UNC13A: variants seen among roughly 807,000 people sequenced by gnomAD.
UNC13A encodes unc-13 homolog A, also known as protein unc-13 homolog A.
A neutral mutation model predicts 219.7 loss-of-function variants in UNC13A; 61 were observed. The observed-to-expected ratio is 0.28, with a 90% CI of 0.23 to 0.34. The LOEUF (loss-of-function observed/expected upper bound fraction) is 0.34. Ranked by LOEUF, UNC13A falls within the 10% of genes least tolerant of loss-of-function variation. UNC13A has a pLI of 1.00. For synonymous variants in UNC13A, 920 were observed against 884.6 expected, an observed-to-expected ratio of 1.04 and a Z score of -0.71; for missense variants, 1,476 against 2,270.3, an observed-to-expected ratio of 0.65 and a Z score of 7.11.
Position 17,646,563 on chromosome 19 carries a change from G to A in UNC13A, c.2045-452C>T, listed in dbSNP as rs556847926. Among the ~76,000 whole-genome samples, 270 of 152,206 alleles carry A rather than the reference G, an allele frequency of 1.8e-3. 1 individual carries two copies. Among genetic ancestry groups the A allele is most frequent in the African/African-American group, 6.4e-3 (266 of 41,524 alleles). ...GTCCCCAAACCATGAAGGATGGGAA[G>A]GTGCCCCAGCTGCCTTGCGCATGGG... On this transcript the variant is annotated intron_variant, in intron 17 of 43. Transcript: ENST00000519716.
chr19:17,605,974 T>G lies in UNC13A; in HGVS notation c.*80A>C. Reference sequence around the variant, plus strand: ...CCCCCGAGCCCCGCCCCTGGGGAGGTCCCACCAAGGCGCAAGCCCCGTCCC... The same window carrying G: ...CCCCCGAGCCCCGCCCCTGGGGAGGGCCCACCAAGGCGCAAGCCCCGTCCC... On this transcript the variant is annotated 3_prime_UTR_variant, in exon 44 of 44. Coordinates refer to ENST00000519716, the MANE Select transcript of UNC13A (RefSeq NM_001080421.3). 7.7e-7 allele frequency: 1 copy of G among 1,295,500 alleles called. No homozygotes were observed. The highest frequency in any genetic ancestry group is 9.9e-7 in the Non-Finnish European group (1 of 1,005,282). The allele number at this position is 1,295,500 out of a possible 1,614,324, so 80.3% of individuals were successfully genotyped here.
intron 43 of UNC13A, among the ~76,000 whole-genome samples, chr19:17,606,701 C>T (rs2076535451): frequency 6.6e-6 from 1 of 152,152 alleles, no homozygotes; most frequent in South Asian, 2.1e-4. Context: ...TGCCCTCTGC[C>T]GGCTGAACTG....
At chr19:17,681,287 A>G (rs550892301) in intron 1 of UNC13A, among the ~76,000 whole-genome samples, 74 of 151,924 alleles carry the variant, frequency 4.9e-4, no homozygotes, top group Admixed American at 3.2e-3. Context: ...CAGGAGGTGG[A>G]GATCCAGCCG....
intron 22 of UNC13A, 98 bp from the exon 23 acceptor site, chr19:17,640,006 C>T (rs1272294973): frequency 8.5e-7 from 1 of 1,169,916 alleles, no homozygotes. Context: ...TCATCCACCA[C>T]CCTCATAATG....
At chr19:17,685,710 G>C (rs2080095327) in intron 1 of UNC13A, among the ~76,000 whole-genome samples, 1 of 152,180 alleles carries the variant, frequency 6.6e-6, no homozygotes, top group East Asian at 1.9e-4. Context: ...TGCCTTCCCA[G>C]GCACATGGTC....
In UNC13A at chr19:17,655,868, G is replaced by A; in HGVS notation, c.1283+15C>T. Reference sequence around the variant, plus strand: ...TTGTGGCAGCCCCTCTGGCCCCTTGGCCCCGTCCTGTTACCTCTCCTCGTC... The same window carrying A: ...TTGTGGCAGCCCCTCTGGCCCCTTGACCCCGTCCTGTTACCTCTCCTCGTC... On this transcript the variant is annotated intron_variant, in intron 10 of 43. Transcript: ENST00000519716. 1.3e-6 allele frequency: 2 copies of A among 1,508,692 alleles called. No homozygotes were observed. The highest frequency in any genetic ancestry group is 1.8e-6 in the Non-Finnish European group (2 of 1,133,948). The allele number at this position is 1,508,692 out of a possible 1,614,324, so 93.5% of individuals were successfully genotyped here.
rs375112863 is a variant in UNC13A, at chr19:17,610,017, G to A, written c.4734C>T (p.Leu1578=). Reference sequence around the variant, plus strand: ...TCGCAAACTTGCGTTTCTTGTCGCTGAGCTGGGGCCCAATGATGTTGACCT... The same window carrying A: ...TCGCAAACTTGCGTTTCTTGTCGCTAAGCTGGGGCCCAATGATGTTGACCT... ...FIEVNIIGPQ[L]SDKKRKFATK... is the part of the protein sequence containing the mutation. The change falls in exon 43 of 44, where the codon CTC becomes CTT. Residue 1578 remains leucine (L), a synonymous_variant. Coordinates refer to ENST00000519716, the MANE Select transcript of UNC13A (RefSeq NM_001080421.3). 9 of 1,613,940 alleles carry A rather than the reference G, an allele frequency of 5.6e-6. No homozygotes were observed. Among genetic ancestry groups the A allele is most frequent in the Non-Finnish European group, 7.6e-6 (9 of 1,179,916 alleles).
chr19:17,663,069 C>T (rs2079579568), intron 8 of UNC13A, among the ~76,000 whole-genome samples: 1 of 151,898 alleles, frequency 6.6e-6, no homozygotes, highest in Non-Finnish European at 1.5e-5. Context: ...TGTGCATCTC[C>T]CTGAGGTCCC....
At chr19:17,641,697 C>G (rs560615382) in intron 20 of UNC13A, 141 bp from the exon 21 acceptor site, 2 of 803,698 alleles carry the variant, frequency 2.5e-6, no homozygotes, top group South Asian at 4.1e-5. Context: ...TCCATCCACA[C>G]ACCCACCCAT....
At chr19:17,687,409 C>T (rs914833420) in intron 1 of UNC13A, among the ~76,000 whole-genome samples, 1 of 152,154 alleles carries the variant, frequency 6.6e-6, no homozygotes, top group Non-Finnish European at 1.5e-5. Flanking sequence ...AAGAAGTAGG[C>T]TCCCTGCCGA....
At chr19:17,666,881 CG>C (rs2079658905) in intron 6 of UNC13A, among the ~76,000 whole-genome samples, 177 bp from the exon 7 acceptor site, 2 of 115,114 alleles carry the variant, frequency 1.7e-5, no homozygotes, top group Non-Finnish European at 3.6e-5. Flanking sequence ...CACACACACA[CG>C]AGAGAGAGAG....
At position 17,627,693 on chromosome 19, in the gene UNC13A, C is replaced by T; in HGVS notation, c.3832-96G>A. ...ACCCAGGGAAAGGGATCCCAAGGGG[C>T]TGCAGGGGAAACTGAGGCACAGACC... On this transcript the variant is annotated intron_variant, in intron 32 of 43. Transcript: ENST00000519716. The surrounding 1 kb of genome is among the most constrained non-coding windows in gnomAD (Gnocchi z 4.7). 2 of 1,282,396 alleles carry T rather than the reference C, an allele frequency of 1.6e-6. No homozygotes were observed. Among genetic ancestry groups the T allele is most frequent in the Non-Finnish European group, 2.2e-6 (2 of 908,452 alleles). The allele number at this position is 1,282,396 out of a possible 1,614,324, so 79.4% of individuals were successfully genotyped here.
intron 31 of UNC13A, 130 bp downstream of exon 31, chr19:17,629,110 G>C: frequency 1.3e-6 from 1 of 746,722 alleles, no homozygotes; most frequent in South Asian, 1.8e-5. Context: ...TAAACACACA[G>C]ACAATCCAGT....
chr19:17,648,161 C>G (rs1216830764), intron 16 of UNC13A, among the ~76,000 whole-genome samples: 12 of 151,384 alleles, frequency 7.9e-5, no homozygotes, highest in African/African-American at 2.7e-4. Context: ...CACAACCTAG[C>G]TAGTCCCTGA....
At position 17,605,863 on chromosome 19, in the gene UNC13A, A is replaced by G; in HGVS notation, c.*191T>C. 3 of 556,092 alleles carry G rather than the reference A, an allele frequency of 5.4e-6. No homozygotes were observed. Among genetic ancestry groups the G allele is most frequent in the Non-Finnish European group, 2.8e-6 (1 of 353,112 alleles). The allele number at this position is 556,092 out of a possible 1,614,324, so 34.4% of individuals were successfully genotyped here. ...TCGCGCCCTTGGGCGTGGCCTCCCG[A>G]GAGGGCGGGGCATCCTCCATTCCTA... On this transcript the variant is annotated 3_prime_UTR_variant, in exon 44 of 44. Transcript: ENST00000519716.
chr19:17,662,295 G>A (rs998847282), intron 8 of UNC13A, among the ~76,000 whole-genome samples: 3 of 151,750 alleles, frequency 2.0e-5, no homozygotes, highest in African/African-American at 7.3e-5. Flanking sequence ...TGTGAACTGT[G>A]CATGTGCGGG....
intron 34 of UNC13A, among the ~76,000 whole-genome samples, chr19:17,625,710 A>G (rs1012757631): frequency 2.6e-5 from 4 of 151,478 alleles, no homozygotes; most frequent in Non-Finnish European, 5.9e-5. Flanking sequence ...CCATCCATCG[A>G]CCCACTCATC....
At position 17,657,261 on chromosome 19, in the gene UNC13A, G is replaced by A. The variant is rs568179361; in HGVS notation, c.767+801C>T. ...CACTTCTCCCCGCCTCCTCCATTCC[G>A]GCCACGCTGGCCACCTCGTTGTCTC... is the stretch of plus-strand genomic sequence containing the variant. On this transcript the variant is annotated intron_variant, in intron 9 of 43. Transcript: ENST00000519716. 6.6e-5 allele frequency among the ~76,000 whole-genome samples: 10 copies of A among 152,092 alleles called. No homozygotes were observed. The East Asian group carries it at 1.5e-3, about 24-fold the overall frequency.
intron 3 of UNC13A, among the ~76,000 whole-genome samples, chr19:17,672,699 A>G (rs1438280772): frequency 2.6e-5 from 4 of 152,166 alleles, no homozygotes; most frequent in Admixed American, 6.6e-5. Flanking sequence ...AGCTCGGGGT[A>G]TCACAAAAGA....
Sources: gnomAD v4.1 joint callset for allele counts (sites outside exome capture counted in the v4.1 genomes callset) on GRCh38, gnomAD v4.1.1 for gene constraint, Gnocchi (gnomAD v3.1) non-coding constraint, MANE v1.5 for transcripts, NCBI Gene and HGNC (gene_info 2026-07-23, HGNC 2026-07-21) for gene names.